The following CPQ variants were observed in gnomAD, a reference collection of about 807,000 sequenced individuals.
The protein encoded by CPQ is carboxypeptidase Q.
CPQ carries 37 observed loss-of-function variants against 45.7 expected under a neutral mutation model. That is an observed-to-expected ratio of 0.81 (90% CI 0.62 to 1.07). CPQ has a LOEUF of 1.07. Ranked by LOEUF, CPQ falls within the 50% of genes least tolerant of loss-of-function variation. CPQ has a pLI of 0.00. For missense variants in CPQ, 537 were observed against 572.9 expected (o/e 0.94, Z 0.64); for synonymous variants, 186 against 205.8 (o/e 0.90, Z 0.82).
intron 3 of CPQ, among the ~76,000 whole-genome samples, chr8:96,842,692 G>A (rs1246320444): frequency 6.6e-6 from 1 of 152,006 alleles, no homozygotes; most frequent in African/African-American, 2.4e-5. Context: ...TCTTATTATT[G>A]TATCAGGTAG....
At chr8:96,801,197 G>A (rs376760120) in intron 2 of CPQ, among the ~76,000 whole-genome samples, 16 of 152,070 alleles carry the variant, frequency 1.1e-4, no homozygotes, top group South Asian at 1.0e-3. Flanking sequence ...GGCTGGTCTC[G>A]AACTCCCGAC....
At chr8:97,001,839 G>A (rs1387440624) in intron 5 of CPQ, among the ~76,000 whole-genome samples, 2 of 147,510 alleles carry the variant, frequency 1.4e-5, no homozygotes. Context: ...GCTCCAGTAA[G>A]AATGGTACCA....
chr8:96,748,365 T>C (rs1021942805), intron 1 of CPQ, among the ~76,000 whole-genome samples: 2 of 152,160 alleles, frequency 1.3e-5, no homozygotes, highest in Non-Finnish European at 2.9e-5. Context: ...CCCAAATTTT[T>C]ACCCACATCC....
At chr8:96,823,105 AGACAT>A (rs1248315661) in intron 2 of CPQ, among the ~76,000 whole-genome samples, 1 of 151,946 alleles carries the variant, frequency 6.6e-6, no homozygotes, top group Non-Finnish European at 1.5e-5. Flanking sequence ...ACCAGGATAA[AGACAT>A]GCCACCCCCT....
intron 3 of CPQ, among the ~76,000 whole-genome samples, chr8:96,852,800 C>T (rs956477449): frequency 2.6e-5 from 4 of 152,122 alleles, no homozygotes; most frequent in African/African-American, 9.7e-5. Flanking sequence ...TCCAGGCGGC[C>T]TCTCTGTCTC....
intron 7 of CPQ, among the ~76,000 whole-genome samples, chr8:97,127,490 C>T (rs935237054): frequency 6.6e-6 from 1 of 152,102 alleles, no homozygotes; most frequent in African/African-American, 2.4e-5. Context: ...GAGTTTGAGA[C>T]CAGCCTGGCC....
chr8:97,079,038 A>C (rs1214718498), intron 7 of CPQ, among the ~76,000 whole-genome samples: 2 of 152,110 alleles, frequency 1.3e-5, no homozygotes, highest in African/African-American at 4.8e-5. Flanking sequence ...TCCTGGGCTC[A>C]AGCAGTCCTC....
At chr8:96,904,188 A>T (rs1428354202) in intron 4 of CPQ, among the ~76,000 whole-genome samples, 1 of 150,318 alleles carries the variant, frequency 6.7e-6, no homozygotes, top group Non-Finnish European at 1.5e-5. Flanking sequence ...TTTCTTTAAC[A>T]TCTTTCCTTT....
At chr8:96,908,586 C>G (rs1427771142) in intron 4 of CPQ, among the ~76,000 whole-genome samples, 1 of 152,090 alleles carries the variant, frequency 6.6e-6, no homozygotes, top group Non-Finnish European at 1.5e-5. Flanking sequence ...AGGGTTGGGA[C>G]ATTGCTTAGG....
intron 6 of CPQ, among the ~76,000 whole-genome samples, chr8:97,055,886 G>C (rs910788294): frequency 6.6e-6 from 1 of 152,078 alleles, no homozygotes. Context: ...GATCACCTGA[G>C]CCCAAAAGTT....
chr8:96,801,929 T>A (rs1419695948), intron 2 of CPQ, among the ~76,000 whole-genome samples: 1 of 152,204 alleles, frequency 6.6e-6, no homozygotes, highest in African/African-American at 2.4e-5. Flanking sequence ...ATTAATAGGT[T>A]ATAATAAGTA....
At chr8:96,927,188 G>T (rs904052239) in intron 4 of CPQ, among the ~76,000 whole-genome samples, 11 of 152,176 alleles carry the variant, frequency 7.2e-5, no homozygotes, top group African/African-American at 2.7e-4. Context: ...TCCTTCTGAG[G>T]GTTCCTTCTG....
intron 7 of CPQ, among the ~76,000 whole-genome samples, chr8:97,128,680 G>A (rs1254746842): frequency 6.6e-6 from 1 of 152,122 alleles, no homozygotes; most frequent in East Asian, 1.9e-4. Context: ...GCGAAACTCT[G>A]TCTCAAAAAA....
chr8:96,806,863 C>T (rs1168772536), intron 2 of CPQ, among the ~76,000 whole-genome samples: 3 of 151,990 alleles, frequency 2.0e-5, no homozygotes, highest in Non-Finnish European at 4.4e-5. Context: ...AAAATGACAG[C>T]AAAAACAAAT....
At chr8:96,701,587 G>T (rs1253626683) in intron 1 of CPQ, among the ~76,000 whole-genome samples, 1 of 152,158 alleles carries the variant, frequency 6.6e-6, no homozygotes, top group Non-Finnish European at 1.5e-5. Flanking sequence ...ATGAGAAAGG[G>T]CTTCTTGTCC....
chr8:96,692,009 C>T (rs1468714533), intron 1 of CPQ, among the ~76,000 whole-genome samples: 1 of 152,118 alleles, frequency 6.6e-6, no homozygotes, highest in African/African-American at 2.4e-5. Flanking sequence ...TTAAATAAGA[C>T]AATAATACTA....
chr8:96,832,956 G>T (rs1466444544), intron 2 of CPQ, among the ~76,000 whole-genome samples: 1 of 152,086 alleles, frequency 6.6e-6, no homozygotes, highest in African/African-American at 2.4e-5. Flanking sequence ...CCGGTGGTAT[G>T]GGAGGGCCAG....
At chr8:97,088,448 A>G (rs1811074908) in intron 7 of CPQ, among the ~76,000 whole-genome samples, 1 of 152,226 alleles carries the variant, frequency 6.6e-6, no homozygotes, top group African/African-American at 2.4e-5. Flanking sequence ...TTTTCTAAAA[A>G]GAAATTTTAC....
At chr8:96,711,794 T>C (rs1469624097) in intron 1 of CPQ, among the ~76,000 whole-genome samples, 1 of 152,088 alleles carries the variant, frequency 6.6e-6, no homozygotes, top group Non-Finnish European at 1.5e-5. Context: ...AACCATATCA[T>C]TCTGCCTCTA....
Sources: gnomAD v4.1 joint callset for allele counts (sites outside exome capture counted in the v4.1 genomes callset) on GRCh38, gnomAD v4.1.1 for gene constraint, MANE v1.5 for transcripts, NCBI Gene and HGNC (gene_info 2026-07-23, HGNC 2026-07-21) for gene names.